The following MBTD1 variants were observed in gnomAD, a reference collection of about 807,000 sequenced individuals.
The protein encoded by MBTD1 is mbt domain containing 1.
MBTD1 carries 24 observed loss-of-function variants against 87.8 expected under a neutral mutation model. That is an observed-to-expected ratio of 0.27 (90% CI 0.20 to 0.38). The LOEUF is 0.38. MBTD1 is among the 10% of genes least tolerant of loss of function. MBTD1 has a pLI of 1.00. For synonymous variants in MBTD1, 237 were observed against 248.6 expected (o/e 0.95, Z 0.44); for missense variants, 436 against 760.2 (o/e 0.57, Z 5.02).
chr17:51,217,077 G>C (rs1204563642), intron 6 of MBTD1, among the ~76,000 whole-genome samples: 2 of 151,936 alleles, frequency 1.3e-5, no homozygotes, highest in African/African-American at 4.8e-5. Flanking sequence ...AAGAAAATTA[G>C]TATTTATAAG....
Position 51,201,477 on chromosome 17 carries a change from G to A in MBTD1, c.1224+115C>T, listed in dbSNP as rs78583216. The A allele has an allele frequency of 5.4e-4, 304 of 558,532 alleles. 2 individuals carry two copies. The East Asian group carries it at 8.7e-3, about 16-fold the overall frequency. The allele number at this position is 558,532 out of a possible 1,614,324, so 34.6% of individuals were successfully genotyped here. ...AATTCCTAGCAACCTTCTCCCCAGT[G>A]AAGATATACACATACACATTTTATG... On this transcript the variant is annotated intron_variant, in intron 12 of 16. Transcript: ENST00000586178.
intron 2 of MBTD1, among the ~76,000 whole-genome samples, chr17:51,254,878 G>A (rs1464942048): frequency 1.3e-5 from 2 of 152,168 alleles, no homozygotes; most frequent in Non-Finnish European, 2.9e-5. Flanking sequence ...GAGATTCCCT[G>A]AGATCATTAT....
intron 2 of MBTD1, among the ~76,000 whole-genome samples, chr17:51,239,459 A>G (rs1361938047): frequency 6.6e-6 from 1 of 152,182 alleles, no homozygotes; most frequent in East Asian, 1.9e-4. Flanking sequence ...TGACTGACCA[A>G]TGATTAACAT....
upstream of MBTD1, chr17:51,260,749 C>G (rs756479587): frequency 3.0e-5 from 47 of 1,581,850 alleles, no homozygotes; most frequent in South Asian, 5.3e-4. Flanking sequence ...CCCGGCCGAG[C>G]GCGGCGGCCG....
chr17:51,191,972 C>A (rs1302270658), intron 16 of MBTD1: 2 of 507,372 alleles, frequency 3.9e-6, no homozygotes, highest in Non-Finnish European at 6.9e-6. Flanking sequence ...AGACTCTATT[C>A]TTTACCACGT....
upstream of MBTD1, chr17:51,260,423 G>T (rs926703435): frequency 4.0e-6 from 3 of 757,414 alleles, no homozygotes; most frequent in Non-Finnish European, 6.3e-6. Context: ...CTGGGTAGGG[G>T]AGCGGGAGTT....
At chr17:51,203,697 T>C (rs775669077) in intron 8 of MBTD1, 94 bp downstream of exon 8, 115 of 1,412,170 alleles carry the variant, frequency 8.1e-5, no homozygotes, top group Non-Finnish European at 1.1e-4. Flanking sequence ...ATGCCCGGCC[T>C]TTAATTTCCA....
rs2051629735 is a variant in MBTD1, at chr17:51,203,690, C to T, written c.739+101G>A. 5.3e-6 allele frequency: 7 copies of T among 1,321,040 alleles called. 1 individual carries two copies. In the South Asian group the frequency reaches 7.7e-5, roughly 15 times the overall value. 81.8% of individuals were successfully genotyped at this position (1,321,040 alleles called of 1,614,324 possible). ...GGGATTACAGGTGTGAGCGGCCATG[C>T]CCGGCCTTTAATTTCCATATTACTC... On this transcript the variant is annotated intron_variant, in intron 8 of 16. Coordinates refer to ENST00000586178, the MANE Select transcript of MBTD1 (RefSeq NM_017643.3).
intron 2 of MBTD1, among the ~76,000 whole-genome samples, chr17:51,255,258 G>C (rs2055018185): frequency 6.6e-6 from 1 of 151,600 alleles, no homozygotes; most frequent in African/African-American, 2.4e-5. Context: ...TCCAGCCTGG[G>C]CAACAGAGCA....
chr17:51,211,162 A>AG (rs371469568), intron 6 of MBTD1, among the ~76,000 whole-genome samples: 1 of 149,442 alleles, frequency 6.7e-6, no homozygotes, highest in African/African-American at 2.5e-5. Flanking sequence ...AAAAAAAAAA[A>AG]GGAAAAAAAA....
chr17:51,212,753 T>C (rs189213978), intron 6 of MBTD1, among the ~76,000 whole-genome samples: 7 of 152,290 alleles, frequency 4.6e-5, no homozygotes, highest in Admixed American at 1.3e-4. Context: ...GAGTGCTTAA[T>C]TTATTTATCT....
At chr17:51,214,047 G>T (rs375422529) in intron 6 of MBTD1, among the ~76,000 whole-genome samples, 1 of 152,018 alleles carries the variant, frequency 6.6e-6, no homozygotes, top group Non-Finnish European at 1.5e-5. Flanking sequence ...ATGTGTGTGT[G>T]TATGTGTGTA....
chr17:51,196,729 A>G (rs1180404118), intron 12 of MBTD1, among the ~76,000 whole-genome samples: 2 of 151,624 alleles, frequency 1.3e-5, no homozygotes. Flanking sequence ...AGTCTCTACT[A>G]AAAATACAAA....
At chr17:51,232,787 CA>C (rs1327194300) in intron 2 of MBTD1, among the ~76,000 whole-genome samples, 2 of 151,936 alleles carry the variant, frequency 1.3e-5, no homozygotes, top group Non-Finnish European at 2.9e-5. Flanking sequence ...TCTATAATCC[CA>C]GAACTGTGGG....
In MBTD1 at chr17:51,177,970, A is replaced by C. The variant is rs1026501473; in HGVS notation, c.*2606T>G. 2.1e-4 allele frequency: 32 copies of C among 152,158 alleles called. No individual in the cohort carries two copies. The highest frequency in any genetic ancestry group is 7.2e-4 in the African/African-American group (30 of 41,420). The allele number at this position is 152,158 out of a possible 1,614,324, so 9.4% of individuals were successfully genotyped here. A position where few individuals can be genotyped will look rare whatever the true frequency, so the allele number is the denominator to read the frequency against. On this transcript the variant is annotated 3_prime_UTR_variant, in exon 17 of 17. Transcript: ENST00000586178. ...TTAATAATAATAATAAAAACAAACAAACACTGAAAACCCGTGTTAGTATCG... is the reference window on the plus strand; with the variant it reads ...TTAATAATAATAATAAAAACAAACACACACTGAAAACCCGTGTTAGTATCG...
In MBTD1 at chr17:51,203,176, A is replaced by T. The variant is rs756569492; in HGVS notation, c.792T>A (p.Thr264=). ...NWKAFLVKRL[T]GAKTLPPDFS... ...AATCAGGAGGCAGTGTTTTGGCACCAGTAAGTCGTTTCACTAGAAAAGCTT... is the reference window on the plus strand; with the variant it reads ...AATCAGGAGGCAGTGTTTTGGCACCTGTAAGTCGTTTCACTAGAAAAGCTT... The change falls in exon 9 of 17, where the codon ACT becomes ACA. Residue 264 remains threonine, a synonymous_variant. Transcript: ENST00000586178. 9 of 1,586,158 alleles carry T rather than the reference A, an allele frequency of 5.7e-6. No individual in the cohort carries two copies. In the East Asian group the frequency reaches 8.9e-5, roughly 16 times the overall value.
At chr17:51,246,900 A>G (rs2054470165) in intron 2 of MBTD1, among the ~76,000 whole-genome samples, 1 of 152,062 alleles carries the variant, frequency 6.6e-6, no homozygotes, top group African/African-American at 2.4e-5. Context: ...TCAGCCTCCC[A>G]AAGTGCTGGG....
intron 16 of MBTD1, among the ~76,000 whole-genome samples, chr17:51,182,514 T>G (rs919815463): frequency 6.6e-6 from 1 of 152,144 alleles, no homozygotes; most frequent in Non-Finnish European, 1.5e-5. Context: ...GTAGATAGAC[T>G]TGGAAACATA....
intron 2 of MBTD1, among the ~76,000 whole-genome samples, chr17:51,256,124 C>T (rs2055073729): frequency 6.6e-6 from 1 of 152,182 alleles, no homozygotes; most frequent in Non-Finnish European, 1.5e-5. Context: ...GAAGGAAAGC[C>T]TGGGAACACA....
Sources: gnomAD v4.1 joint callset for allele counts (sites outside exome capture counted in the v4.1 genomes callset) on GRCh38, gnomAD v4.1.1 for gene constraint, MANE v1.5 for transcripts, NCBI Gene and HGNC (gene_info 2026-07-23, HGNC 2026-07-21) for gene names.